Variants in DIS3L2 observed in about 807,000 individuals in gnomAD.
DIS3L2 encodes DIS3 like 3'-5' exoribonuclease 2.
Under a neutral mutation model 97.5 loss-of-function variants are expected in DIS3L2, and 34 were observed. That is an observed-to-expected ratio of 0.35 (90% confidence interval 0.27 to 0.46). The LOEUF (loss-of-function observed/expected upper bound fraction) is 0.46. DIS3L2 is among the 20% of genes least tolerant of loss of function. The probability of loss-of-function intolerance (pLI) is 1.00; values close to 1 mark genes in which losing one functional copy is unlikely to be tolerated. For missense variants in DIS3L2, 1,038 were observed against 1,146.0 expected (o/e 0.91, Z 1.36); for synonymous variants, 435 against 445.2 (o/e 0.98, Z 0.29).
chr2:232,083,496 C>CTTT (rs759630455), intron 5 of DIS3L2, among the ~76,000 whole-genome samples: 4 of 138,690 alleles, frequency 2.9e-5, no homozygotes, highest in Admixed American at 7.3e-5. Flanking sequence ...TCTTCTTCTT[C>CTTT]TTTTTTTTTT....
At chr2:232,262,853 G>A (rs963165807) in intron 12 of DIS3L2, among the ~76,000 whole-genome samples, 2 of 152,064 alleles carry the variant, frequency 1.3e-5, no homozygotes, top group African/African-American at 4.8e-5. Flanking sequence ...CTGCCACATT[G>A]TTGGCAGCTC....
rs557349552 is a variant in DIS3L2, at chr2:232,005,765, T to C, written c.-93-9070T>C. On this transcript the variant is annotated intron_variant, in intron 1 of 20. Coordinates refer to ENST00000325385, the MANE Select transcript of DIS3L2 (RefSeq NM_152383.5). Reference sequence around the variant, plus strand: ...TTTCTGGCTTTGATGGCAATCATAGTCTTTCCCAACTTACTATTTTCATCA... The same window carrying C: ...TTTCTGGCTTTGATGGCAATCATAGCCTTTCCCAACTTACTATTTTCATCA... Among the ~76,000 whole-genome samples, 5 of 152,332 alleles carry C rather than the reference T, an allele frequency of 3.3e-5. No individual in the cohort carries two copies. The South Asian group carries it at 1.0e-3, about 32-fold the overall frequency.
At chr2:231,990,616 C>A (rs764858242) in intron 1 of DIS3L2, among the ~76,000 whole-genome samples, 1 of 152,028 alleles carries the variant, frequency 6.6e-6, no homozygotes, top group Non-Finnish European at 1.5e-5. Flanking sequence ...CATTTTTGGG[C>A]CTTATTTGGT....
At chr2:232,189,496 A>G (rs1175805290) in intron 9 of DIS3L2, among the ~76,000 whole-genome samples, 1 of 152,234 alleles carries the variant, frequency 6.6e-6, no homozygotes, top group Non-Finnish European at 1.5e-5. Context: ...TGAAAGTACA[A>G]TTTTAAAAAG....
chr2:232,329,787 C>CCCGGGGGCA, intron 14 of DIS3L2, 26 bp from the exon 15 acceptor site: 2 of 1,062,210 alleles, frequency 1.9e-6, no homozygotes, highest in Non-Finnish European at 2.6e-6. Context: ...CCCAGCGGTC[C>CCCGGGGGCA]CTCCCATCCC....
intron 16 of DIS3L2, 25 bp downstream of exon 16, chr2:232,330,801 C>A: frequency 4.4e-6 from 7 of 1,602,682 alleles, no homozygotes; most frequent in Non-Finnish European, 5.9e-6. Flanking sequence ...GCCCCGGCCT[C>A]CCCTGCTCCC....
chr2:232,198,583 G>C (rs1363135986), intron 9 of DIS3L2: 1 of 152,240 alleles, frequency 6.6e-6, no homozygotes, highest in African/African-American at 2.4e-5. Flanking sequence ...GCTTCGGATA[G>C]AGAGACTTTC....
intron 9 of DIS3L2, among the ~76,000 whole-genome samples, chr2:232,204,834 C>T (rs1014058430): frequency 2.0e-5 from 3 of 152,172 alleles, no homozygotes; most frequent in African/African-American, 4.8e-5. Flanking sequence ...AGCTCCTAGC[C>T]ACTGCGGCTT....
chr2:232,323,294 T>C (rs1351018386), intron 14 of DIS3L2, among the ~76,000 whole-genome samples: 1 of 152,224 alleles, frequency 6.6e-6, no homozygotes, highest in African/African-American at 2.4e-5. Flanking sequence ...ATGAGGCTTC[T>C]GGGCTGGCTT....
chr2:232,064,503 G>T (rs1286080698), intron 5 of DIS3L2, among the ~76,000 whole-genome samples: 1 of 152,152 alleles, frequency 6.6e-6, no homozygotes, highest in African/African-American at 2.4e-5. Flanking sequence ...GAACACTGCT[G>T]TACACATCAT....
chr2:232,329,785 T>TGCCGGGGGGGGGCGCCCC, intron 14 of DIS3L2, 28 bp from the exon 15 acceptor site: 3 of 967,142 alleles, frequency 3.1e-6, no homozygotes, highest in Non-Finnish European at 2.9e-6. Flanking sequence ...ACCCCAGCGG[T>TGCCGGGGGGGGGCGCCCC]CCCTCCCATC....
chr2:232,039,306 A>T (rs1029758269), intron 5 of DIS3L2, among the ~76,000 whole-genome samples: 10 of 152,218 alleles, frequency 6.6e-5, no homozygotes, highest in Non-Finnish European at 1.0e-4. Flanking sequence ...AAACATCTCC[A>T]AACATACTGG....
chr2:232,247,045 A>G (rs568943266), intron 11 of DIS3L2, among the ~76,000 whole-genome samples: 5 of 152,220 alleles, frequency 3.3e-5, no homozygotes, highest in African/African-American at 4.8e-5. Context: ...AGGAATTATA[A>G]TGCATTGTCA....
At chr2:232,236,110 T>A (rs1418074718) in intron 10 of DIS3L2, among the ~76,000 whole-genome samples, 1 of 152,218 alleles carries the variant, frequency 6.6e-6, no homozygotes, top group Non-Finnish European at 1.5e-5. Flanking sequence ...AGGAAGGTGG[T>A]CTCTGAGTGT....
intron 5 of DIS3L2, among the ~76,000 whole-genome samples, chr2:232,053,686 G>T (rs1350006964): frequency 6.6e-6 from 1 of 152,172 alleles, no homozygotes; most frequent in African/African-American, 2.4e-5. Flanking sequence ...TATTATAAAG[G>T]ATATTGCAAA....
chr2:231,974,298 C>A (rs188725154), intron 1 of DIS3L2, among the ~76,000 whole-genome samples: 4 of 152,218 alleles, frequency 2.6e-5, no homozygotes, highest in Non-Finnish European at 4.4e-5. Flanking sequence ...AGGCAGGAGG[C>A]TCTAAGTAGT....
chr2:231,985,834 G>T (rs1693395850), intron 1 of DIS3L2, among the ~76,000 whole-genome samples: 1 of 152,190 alleles, frequency 6.6e-6, no homozygotes, highest in African/African-American at 2.4e-5. Flanking sequence ...GGCCTAGATA[G>T]CTGGTAAAGT....
chr2:232,334,441 T>G lies in DIS3L2; in HGVS notation c.2231T>G (p.Met744Arg). 6.2e-7 allele frequency: 1 copy of G among 1,613,926 alleles called. No individual in the cohort carries two copies. Among genetic ancestry groups the G allele is most frequent in the Non-Finnish European group, 8.5e-7 (1 of 1,180,022 alleles). ...GCGGACCACTGTAACGACCGCCGCA[T>G]GGCGTCCAAGCGCGTGCAGGAGCTC... ...KQADHCNDRR[M>R]ASKRVQELST... is the part of the protein sequence containing the mutation. The change falls in exon 18 of 21, where the codon ATG (methionine) becomes AGG (arginine). Residue 744 changes from methionine (M) to arginine (R), a missense_variant. Transcript: ENST00000325385.
At chr2:232,045,788 C>T (rs1375780664) in intron 5 of DIS3L2, among the ~76,000 whole-genome samples, 2 of 149,034 alleles carry the variant, frequency 1.3e-5, no homozygotes, top group Non-Finnish European at 3.0e-5. Flanking sequence ...AATTCCCTTG[C>T]CTCAGCCTCC....
Sources: gnomAD v4.1 joint callset for allele counts (sites outside exome capture counted in the v4.1 genomes callset) on GRCh38, gnomAD v4.1.1 for gene constraint, MANE v1.5 for transcripts, NCBI Gene and HGNC (gene_info 2026-07-23, HGNC 2026-07-21) for gene names.